Variants in FAXDC2 observed in about 807,000 individuals in gnomAD.
FAXDC2 encodes fatty acid hydroxylase domain containing 2.
Under a neutral mutation model 40.9 loss-of-function variants are expected in FAXDC2, and 41 were observed. That is an observed-to-expected ratio of 1.00 (90% CI 0.78 to 1.30). The LOEUF (loss-of-function observed/expected upper bound fraction) is 1.30, where lower values mean the gene tolerates loss of function less well. FAXDC2 is among the 50% of genes most tolerant of loss of function. FAXDC2 has a pLI of 0.00. For synonymous variants in FAXDC2, 157 were observed against 149.3 expected (o/e 1.05, Z -0.38); for missense variants, 390 against 408.8 (o/e 0.95, Z 0.40).
intron 1 of FAXDC2, among the ~76,000 whole-genome samples, chr5:154,845,486 G>T (rs754880766): frequency 3.9e-5 from 6 of 152,048 alleles, no homozygotes; most frequent in Non-Finnish European, 7.3e-5. Flanking sequence ...TGGGCATGGT[G>T]TCTCATGCCT....
intron 1 of FAXDC2, among the ~76,000 whole-genome samples, chr5:154,842,374 A>ATT (rs1280902160): frequency 4.3e-5 from 5 of 116,212 alleles, no homozygotes; most frequent in African/African-American, 9.5e-5. Context: ...ATTTTTTTGT[A>ATT]TTTTTTTTTT....
At chr5:154,835,029 C>T in intron 2 of FAXDC2, 95 bp from the exon 3 acceptor site, 1 of 766,554 alleles carries the variant, frequency 1.3e-6, no homozygotes, top group Non-Finnish European at 2.2e-6. Flanking sequence ...GTAGGATCAG[C>T]ATCTCAACCA....
chr5:154,820,331 T>C lies in FAXDC2; in HGVS notation c.987A>G (p.Pro329=), dbSNP rs780665547. Residue 329 remains proline (P), a synonymous_variant, in exon 9 of 9, where the codon CCA becomes CCG. Transcript: ENST00000326080. The part of the protein sequence containing the change: ...TPLSESIPDS[P]KRME ...AGGCTGTCTCTCACTCCATCCTCTT[T>C]GGGGAGTCTGGGATGCTCTCAGAGA... 1 of 1,610,972 alleles carries C rather than the reference T, an allele frequency of 6.2e-7. No individual in the cohort carries two copies. Among genetic ancestry groups the C allele is most frequent in the East Asian group, 2.2e-5 (1 of 44,804 alleles).
chr5:154,822,266 A>G, intron 7 of FAXDC2: 1 of 551,456 alleles, frequency 1.8e-6, no homozygotes, highest in East Asian at 3.0e-5. Flanking sequence ...TCAAAAAGAA[A>G]AAAAGAAAGT....
intron 1 of FAXDC2, among the ~76,000 whole-genome samples, chr5:154,849,017 T>C (rs1400081954): frequency 6.8e-6 from 1 of 146,246 alleles, no homozygotes; most frequent in Non-Finnish European, 1.5e-5. Context: ...CGTTGGCTTA[T>C]GCCTGTAATC....
Position 154,821,243 on chromosome 5 carries a change from G to A in FAXDC2, c.845+17C>T. 1 of 1,606,042 alleles carries A rather than the reference G, an allele frequency of 6.2e-7. No homozygotes were observed. Among genetic ancestry groups the A allele is most frequent in the Non-Finnish European group, 8.5e-7 (1 of 1,175,046 alleles). ...TGGTTGTTGCCTAGGGACCCATTGT[G>A]GGGAGAAGGTCCTTACTTGAGATGG... is the stretch of plus-strand genomic sequence containing the variant. On this transcript the variant is annotated intron_variant, in intron 8 of 8. Coordinates refer to ENST00000326080, the MANE Select transcript of FAXDC2 (RefSeq NM_032385.5).
At chr5:154,841,534 C>T (rs1275816494) in intron 1 of FAXDC2, among the ~76,000 whole-genome samples, 2 of 152,114 alleles carry the variant, frequency 1.3e-5, no homozygotes. Context: ...ACAACTAGGA[C>T]AACAGACATT....
rs1759806751 is a variant in FAXDC2, at chr5:154,819,039, G to A, written c.*1277C>T. ...TCTGGGGTTCTAGAGCTGATAGGAA[G>A]AAGGAGTCCATTTTGATAGTCCTGC... On this transcript the variant is annotated 3_prime_UTR_variant, in exon 9 of 9. Transcript: ENST00000326080. 1 of 152,236 alleles carries A rather than the reference G, an allele frequency of 6.6e-6. No individual in the cohort carries two copies. The allele number at this position is 152,236 out of a possible 1,614,324, so 9.4% of individuals were successfully genotyped here.
rs1349807325 is a variant in FAXDC2 at position 154,821,299 on chromosome 5, A to G, written c.806T>C (p.Phe269Ser). ...TISHCGYHLP[F>S]LPSPEFHDYH... ...GTCGTGGAATTCAGGCGAAGGCAGG[A>G]AGGGAAGGTGGTAGCCACAGTGGGA... The change falls in exon 8 of 9, where the codon TTC (phenylalanine) becomes TCC (serine). Residue 269 changes from phenylalanine to serine, a missense_variant. Phe to Ser is a radical substitution (Grantham distance 155). Coordinates refer to ENST00000326080, the MANE Select transcript of FAXDC2 (RefSeq NM_032385.5). The G allele has an allele frequency of 3.1e-6, 5 of 1,611,804 alleles. No individual in the cohort carries two copies. The highest frequency in any genetic ancestry group is 3.4e-6 in the Non-Finnish European group (4 of 1,179,016).
chr5:154,820,948 G>C, intron 8 of FAXDC2: 1 of 328,630 alleles, frequency 3.0e-6, no homozygotes, highest in East Asian at 8.1e-5. Context: ...GGGGCTTTCA[G>C]AGATACATGA....
intron 2 of FAXDC2, among the ~76,000 whole-genome samples, chr5:154,835,741 C>T (rs1760327417): frequency 1.3e-5 from 2 of 151,764 alleles, no homozygotes; most frequent in African/African-American, 2.4e-5. Context: ...CCACCACACC[C>T]GGCTAATTTT....
At chr5:154,826,546 A>AC (rs1340261507) in intron 5 of FAXDC2, among the ~76,000 whole-genome samples, 7 of 149,658 alleles carry the variant, frequency 4.7e-5, no homozygotes, top group African/African-American at 1.7e-4. Flanking sequence ...AAAAAAAAAA[A>AC]GAAAAGAAAA....
Position 154,820,264 on chromosome 5 carries a change from G to T in FAXDC2, c.*52C>A, listed in dbSNP as rs1049181830. On this transcript the variant is annotated 3_prime_UTR_variant, in exon 9 of 9. Coordinates refer to ENST00000326080, the MANE Select transcript of FAXDC2 (RefSeq NM_032385.5). ...AATTGTTAGGTGCAATCAGGAAGCC[G>T]TGTCTGCATCCCATGGCTGAGGGAC... is the stretch of plus-strand genomic sequence containing the variant. 2 of 1,451,950 alleles carry T rather than the reference G, an allele frequency of 1.4e-6. No homozygotes were observed. Among genetic ancestry groups the T allele is most frequent in the East Asian group, 2.5e-5 (1 of 40,598 alleles). The allele number at this position is 1,451,950 out of a possible 1,614,324, so 89.9% of individuals were successfully genotyped here. A position where few individuals can be genotyped will look rare whatever the true frequency, so the allele number is the denominator to read the frequency against.
chr5:154,836,472 C>T (rs1248251743), intron 2 of FAXDC2: 1 of 152,124 alleles, frequency 6.6e-6, no homozygotes, highest in African/African-American at 2.4e-5. Context: ...TACAGATGAC[C>T]CACTCATATC....
At chr5:154,827,468 T>A (rs536315099) in intron 5 of FAXDC2, among the ~76,000 whole-genome samples, 2 of 151,662 alleles carry the variant, frequency 1.3e-5, no homozygotes. Flanking sequence ...TGTATGTCTG[T>A]TTTTTTGTGA....
At chr5:154,836,923 T>C (rs1296182985) in intron 2 of FAXDC2, among the ~76,000 whole-genome samples, 1 of 152,134 alleles carries the variant, frequency 6.6e-6, no homozygotes, top group Non-Finnish European at 1.5e-5. Context: ...GATCTGCCTG[T>C]CTCAGCATCC....
chr5:154,844,166 C>T (rs897846980), intron 1 of FAXDC2, among the ~76,000 whole-genome samples: 7 of 151,202 alleles, frequency 4.6e-5, no homozygotes, highest in Admixed American at 3.3e-4. Context: ...TGTAGTGAGT[C>T]GAGATTGCGC....
In FAXDC2 at chr5:154,820,286, G is replaced by T; in HGVS notation, c.*30C>A. On this transcript the variant is annotated 3_prime_UTR_variant, in exon 9 of 9. Coordinates refer to ENST00000326080, the MANE Select transcript of FAXDC2 (RefSeq NM_032385.5). Reference sequence around the variant, plus strand: ...GCCGTGTCTGCATCCCATGGCTGAGGGACAGCCAGGATGACACTTAGGCTG... The same window carrying T: ...GCCGTGTCTGCATCCCATGGCTGAGTGACAGCCAGGATGACACTTAGGCTG... The T allele has an allele frequency of 6.4e-7, 1 of 1,553,398 alleles. No homozygotes were observed. Among genetic ancestry groups the T allele is most frequent in the African/African-American group, 1.4e-5 (1 of 73,684 alleles).
intron 3 of FAXDC2, 34 bp downstream of exon 3, chr5:154,834,809 C>T: frequency 6.3e-7 from 1 of 1,596,194 alleles, no homozygotes; most frequent in Non-Finnish European, 8.6e-7. Flanking sequence ...CGACCACCAC[C>T]ACACTGCACC....
Sources: gnomAD v4.1 joint callset for allele counts (sites outside exome capture counted in the v4.1 genomes callset) on GRCh38, gnomAD v4.1.1 for gene constraint, MANE v1.5 for transcripts, NCBI Gene and HGNC (gene_info 2026-07-23, HGNC 2026-07-21) for gene names.